Variants in ZBTB25 observed in about 807,000 individuals in gnomAD.
ZBTB25 encodes zinc finger and BTB domain-containing protein 25.
A neutral mutation model predicts 34.2 loss-of-function variants in ZBTB25; 20 were observed. The ratio of observed to expected loss-of-function variants is 0.58; its 90% CI spans 0.41 to 0.85. ZBTB25 has a LOEUF of 0.85. Among genes scored for constraint, ZBTB25 ranks in the 40% least tolerant of loss-of-function variants. The pLI, the probability that ZBTB25 is intolerant of heterozygous loss-of-function variation, is 0.00. For missense variants in ZBTB25, 437 were observed against 521.8 expected, an observed-to-expected ratio of 0.84 and a Z score of 1.58; for synonymous variants, 175 against 186.4, an observed-to-expected ratio of 0.94 and a Z score of 0.50.
At chr14:64,449,719 C>T in intron 2 of ZBTB25, 1 of 1,435,174 alleles carries the variant, frequency 7.0e-7, no homozygotes, top group Middle Eastern at 1.7e-4. Context: ...TGCTTCGCAG[C>T]TTCAGCCTTG....
At chr14:64,458,526 GGCTTGTCACA>G in intron 2 of ZBTB25, 1 of 569,344 alleles carries the variant, frequency 1.8e-6, no homozygotes, top group Non-Finnish European at 3.2e-6. Context: ...AGCGCAGCAT[GGCTTGTCACA>G]GGTTGACAGT....
At chr14:64,459,288 AGG>A (rs1268727979) in intron 2 of ZBTB25, among the ~76,000 whole-genome samples, 3 of 152,238 alleles carry the variant, frequency 2.0e-5, no homozygotes, top group Admixed American at 1.3e-4. Flanking sequence ...ACATTAGCGA[AGG>A]GGCATTCTGA....
intron 2 of ZBTB25, chr14:64,468,347 A>G (rs758415546): frequency 6.7e-7 from 1 of 1,501,900 alleles, no homozygotes; most frequent in Non-Finnish European, 8.9e-7. Flanking sequence ...AAAGGCTGCT[A>G]AGGAAGAGAG....
Position 64,485,074 on chromosome 14 carries a change from G to A in ZBTB25, c.*1849C>T, listed in dbSNP as rs942117690. On this transcript the variant is annotated 3_prime_UTR_variant, in exon 3 of 3. Transcript: ENST00000608382. ...ACTTGTTTAAGGCAGAAACTCAACT[G>A]CCTTACACAATATCCAGTAGCTTTC... is the stretch of plus-strand genomic sequence containing the variant. 9 of 985,300 alleles carry A rather than the reference G, an allele frequency of 9.1e-6. No homozygotes were observed. The African/African-American group carries it at 1.6e-4, about 17-fold the overall frequency. 61.0% of individuals were successfully genotyped at this position (985,300 alleles called of 1,614,324 possible). A position where few individuals can be genotyped will look rare whatever the true frequency, so the allele number is the denominator to read the frequency against.
intron 2 of ZBTB25, chr14:64,469,981 G>A: frequency 4.0e-6 from 1 of 247,106 alleles, no homozygotes; most frequent in Non-Finnish European, 8.2e-6. Flanking sequence ...TGTATTTATT[G>A]AGCACTTATG....
intron 2 of ZBTB25, among the ~76,000 whole-genome samples, chr14:64,455,649 A>T (rs1566579487): frequency 6.6e-6 from 1 of 152,206 alleles, no homozygotes. Context: ...ATCAACACAC[A>T]TGGAAAAGAA....
At chr14:64,459,507 T>A (rs532416623) in intron 2 of ZBTB25, among the ~76,000 whole-genome samples, 244 of 152,360 alleles carry the variant, frequency 1.6e-3, no homozygotes, top group Non-Finnish European at 2.5e-3. Flanking sequence ...AGAGGGTATG[T>A]GTGATACTCG....
intron 1 of ZBTB25, among the ~76,000 whole-genome samples, chr14:64,500,777 A>G (rs11628221): frequency 0.23 from 34,919 of 152,038 alleles, 4,658 homozygotes; most frequent in Non-Finnish European, 0.31. Context: ...TGGACCAGGC[A>G]CAGTGGCTCA....
At chr14:64,501,046 G>A (rs543190954) in intron 1 of ZBTB25, among the ~76,000 whole-genome samples, 14 of 152,014 alleles carry the variant, frequency 9.2e-5, no homozygotes, top group Admixed American at 9.2e-4. Flanking sequence ...GGTAGACTCT[G>A]TCTCAAAAAA....
At chr14:64,449,737 A>G in intron 2 of ZBTB25, 1 of 1,244,478 alleles carries the variant, frequency 8.0e-7, no homozygotes, top group South Asian at 1.3e-5. Flanking sequence ...TTGCGGTTTG[A>G]TTCCCACGTA....
intron 1 of ZBTB25, chr14:64,499,691 GA>G (rs1391420504): frequency 6.6e-6 from 1 of 152,166 alleles, no homozygotes; most frequent in Non-Finnish European, 1.5e-5. Flanking sequence ...TTAGGAAAAA[GA>G]AATATTTACT....
Position 64,481,224 on chromosome 14 carries a change from C to G in ZBTB25, c.*5699G>C, listed in dbSNP as rs898551305. The G allele has an allele frequency of 5.3e-5, 8 of 152,294 alleles. No homozygotes were observed. Among genetic ancestry groups the G allele is most frequent in the Non-Finnish European group, 8.8e-5 (6 of 68,188 alleles). The allele number at this position is 152,294 out of a possible 1,614,324, so 9.4% of individuals were successfully genotyped here. On this transcript the variant is annotated 3_prime_UTR_variant, in exon 3 of 3. Transcript: ENST00000608382. ...GGATTACAGGCGTGAGCCACTGCCCCTGGCCAAAATTTTTGGCAGAGATGA... is the reference window on the plus strand; with the variant it reads ...GGATTACAGGCGTGAGCCACTGCCCGTGGCCAAAATTTTTGGCAGAGATGA...
At chr14:64,505,036 G>A (rs1049287519), upstream of ZBTB25, 7 of 379,384 alleles carry the variant, frequency 1.8e-5, no homozygotes, top group Admixed American at 3.2e-4. Flanking sequence ...TGCGGGGCCG[G>A]AGGGGCGCCG....
chr14:64,449,811 C>T (rs552887453), intron 2 of ZBTB25, among the ~76,000 whole-genome samples: 215 of 152,300 alleles, frequency 1.4e-3, no homozygotes, highest in African/African-American at 4.7e-3. Flanking sequence ...ATTTTTGAGA[C>T]GGAGTCTTGC....
chr14:64,464,036 A>ATT (rs3062428), intron 2 of ZBTB25, among the ~76,000 whole-genome samples: 9,749 of 145,580 alleles, frequency 0.067, 430 homozygotes, highest in East Asian at 0.21. Context: ...GGCTGACTGA[A>ATT]TTTTTTTTTT....
downstream of ZBTB25, chr14:64,477,962 G>A (rs2078735150): frequency 6.6e-6 from 1 of 152,224 alleles, no homozygotes; most frequent in Non-Finnish European, 1.5e-5. Context: ...CCTGTTTCCA[G>A]GACAGTGGGA....
At chr14:64,457,625 T>C (rs965114797) in intron 2 of ZBTB25, among the ~76,000 whole-genome samples, 3 of 151,912 alleles carry the variant, frequency 2.0e-5, no homozygotes, top group Non-Finnish European at 4.4e-5. Context: ...CCAGCTAATT[T>C]TTGTATTTTT....
upstream of ZBTB25, chr14:64,504,738 C>T: frequency 2.7e-6 from 1 of 374,322 alleles, no homozygotes; most frequent in Non-Finnish European, 4.7e-6. Flanking sequence ...TGCGGTGCGG[C>T]AGGCGCGGCT....
Position 64,470,610 on chromosome 14 carries a change from A to AAAG in ZBTB25, c.173+19750_173+19751insCTT, listed in dbSNP as rs373420644. The AAAG allele has an allele frequency of 4.4e-3, 670 of 151,266 alleles. 41 individuals carry two copies. Among genetic ancestry groups the AAAG allele is most frequent in the Non-Finnish European group, 4.7e-3 (304 of 65,296 alleles). The allele number at this position is 151,266 out of a possible 1,614,324, so 9.4% of individuals were successfully genotyped here. ...TTCTCAAAAAAAAAAAAAAAAAAAA[A>AAAG]GAGAACCATTCACAAATCCTTCAAT... On this transcript the variant is annotated intron_variant, in intron 2 of 2. Coordinates refer to the ZBTB25 transcript ENST00000555220.
Sources: allele counts gnomAD v4.1 joint callset (sites outside exome capture counted in the v4.1 genomes callset), GRCh38; gene constraint gnomAD v4.1.1; transcripts MANE v1.5; gene names NCBI Gene and HGNC (gene_info 2026-07-23, HGNC 2026-07-21).